The following HTR1F variants were observed in gnomAD, a reference collection of about 807,000 sequenced individuals.
HTR1F encodes the protein 5-hydroxytryptamine (serotonin) receptor 1F, G protein-coupled.
In HTR1F, 17 loss-of-function variants were observed where a neutral mutation model predicts 24.0. The observed-to-expected ratio is 0.71, with a 90% CI of 0.48 to 1.06. The LOEUF (loss-of-function observed/expected upper bound fraction) is 1.06. HTR1F is among the 50% of genes least tolerant of loss of function. The pLI is 0.00. For synonymous variants in HTR1F, 186 were observed against 156.8 expected (o/e 1.19, Z -1.39); for missense variants, 391 against 427.8 (o/e 0.91, Z 0.76).
chr3:87,859,800 A>G (rs1705277856), intron 2 of HTR1F, among the ~76,000 whole-genome samples: 1 of 152,200 alleles, frequency 6.6e-6, no homozygotes, highest in South Asian at 2.1e-4. Context: ...ATTCCAAATC[A>G]TAACTGAGGC....
chr3:87,852,157 C>A lies in HTR1F; in HGVS notation c.-43+30033C>A, dbSNP rs118175840. Among the ~76,000 whole-genome samples, 1,113 of 151,584 alleles carry A rather than the reference C, an allele frequency of 7.3e-3. 26 individuals are homozygous for A. Among genetic ancestry groups the A allele is most frequent in the East Asian group, 0.05 (257 of 5,178 alleles). ...ATTTTTATGTTTATTGGCCTTTGAA[C>A]TTTCTCTAGAATAAAATGATTACCC... On this transcript the variant is annotated intron_variant, in intron 2 of 2. Transcript: ENST00000319595.
At chr3:87,927,055 A>G (rs1704142288) in intron 2 of HTR1F, among the ~76,000 whole-genome samples, 2 of 152,100 alleles carry the variant, frequency 1.3e-5, no homozygotes, top group Admixed American at 1.3e-4. Flanking sequence ...GGAGTGGTGG[A>G]AAGCCACAGT....
intron 2 of HTR1F, among the ~76,000 whole-genome samples, chr3:87,961,448 C>A (rs996284357): frequency 2.6e-5 from 4 of 151,932 alleles, no homozygotes; most frequent in African/African-American, 9.7e-5. Flanking sequence ...AGTATCCTGG[C>A]TACTTGTGCT....
intron 2 of HTR1F, among the ~76,000 whole-genome samples, chr3:87,973,855 G>C (rs1442516596): frequency 6.6e-6 from 1 of 152,174 alleles, no homozygotes; most frequent in African/African-American, 2.4e-5. Flanking sequence ...CTTAAATTAG[G>C]ATAATGCAGA....
intron 2 of HTR1F, among the ~76,000 whole-genome samples, chr3:87,917,218 T>C (rs1401655748): frequency 2.0e-5 from 3 of 151,808 alleles, no homozygotes; most frequent in Non-Finnish European, 4.4e-5. Flanking sequence ...AAGGCAGTGC[T>C]AAAAGGAAAG....
At chr3:87,830,248 T>A (rs1704548302) in intron 2 of HTR1F, among the ~76,000 whole-genome samples, 1 of 152,142 alleles carries the variant, frequency 6.6e-6, no homozygotes, top group Non-Finnish European at 1.5e-5. Context: ...TGGTATTATA[T>A]CATTCTGGTG....
chr3:87,832,487 C>T (rs1408404640), intron 2 of HTR1F, among the ~76,000 whole-genome samples: 1 of 151,988 alleles, frequency 6.6e-6, no homozygotes, highest in African/African-American at 2.4e-5. Flanking sequence ...GCCGCCACAC[C>T]CGGCTAATTT....
intron 2 of HTR1F, among the ~76,000 whole-genome samples, chr3:87,949,942 G>C (rs1048127058): frequency 4.6e-5 from 7 of 152,182 alleles, no homozygotes; most frequent in Admixed American, 4.6e-4. Context: ...GGTTCTGCAG[G>C]CTGGACGAGA....
At chr3:87,806,648 T>G (rs2107084449) in intron 1 of HTR1F, among the ~76,000 whole-genome samples, 1 of 152,086 alleles carries the variant, frequency 6.6e-6, no homozygotes. Flanking sequence ...TGAAGAAGAG[T>G]TTTAGTTTAA....
chr3:87,946,146 C>T (rs779684928), intron 2 of HTR1F, among the ~76,000 whole-genome samples: 4 of 152,180 alleles, frequency 2.6e-5, no homozygotes, highest in Admixed American at 6.5e-5. Flanking sequence ...TTAGCCCAAT[C>T]GGGAGCGGCA....
intron 2 of HTR1F, among the ~76,000 whole-genome samples, chr3:87,860,318 A>G (rs1705290070): frequency 6.6e-6 from 1 of 152,208 alleles, no homozygotes; most frequent in African/African-American, 2.4e-5. Context: ...ATATGTAAAC[A>G]CATTGTACCA....
At chr3:87,988,389 A>G (rs1306192622) in intron 2 of HTR1F, among the ~76,000 whole-genome samples, 1 of 152,120 alleles carries the variant, frequency 6.6e-6, no homozygotes, top group Non-Finnish European at 1.5e-5. Flanking sequence ...CAAATACCAG[A>G]AAGGTATTCA....
intron 2 of HTR1F, among the ~76,000 whole-genome samples, chr3:87,980,523 T>A (rs1301045498): frequency 6.6e-6 from 1 of 152,174 alleles, no homozygotes; most frequent in Non-Finnish European, 1.5e-5. Flanking sequence ...CCATAAGTTT[T>A]CATGCCTGGC....
chr3:87,963,298 A>G (rs928694593), intron 2 of HTR1F, among the ~76,000 whole-genome samples: 1 of 152,138 alleles, frequency 6.6e-6, no homozygotes, highest in African/African-American at 2.4e-5. Context: ...AATCAGAAAC[A>G]GTTATACTAT....
intron 2 of HTR1F, among the ~76,000 whole-genome samples, chr3:87,918,125 T>C (rs1703936102): frequency 6.6e-6 from 1 of 152,064 alleles, no homozygotes; most frequent in African/African-American, 2.4e-5. Flanking sequence ...AATCACATGA[T>C]TATCTCCATA....
At chr3:87,883,258 A>G (rs1705851301) in intron 2 of HTR1F, among the ~76,000 whole-genome samples, 1 of 152,216 alleles carries the variant, frequency 6.6e-6, no homozygotes, top group Non-Finnish European at 1.5e-5. Context: ...ACTAACAAAC[A>G]GAAAGGAATA....
intron 2 of HTR1F, among the ~76,000 whole-genome samples, chr3:87,981,482 AC>A (rs1321815761): frequency 1.1e-4 from 17 of 152,240 alleles, no homozygotes; most frequent in African/African-American, 3.9e-4. Context: ...GGTGTGAGCC[AC>A]CATGCCTGGC....
rs556522725 is a variant in HTR1F at position 87,973,715 on chromosome 3, T to C, written c.-42-16993T>C. ...TTACTTCCCGGAAACTCCTGTAAAA[T>C]TACTAGGATTCACTTGCCTTTGGAC... On this transcript the variant is annotated intron_variant, in intron 2 of 2. Coordinates refer to ENST00000319595, the MANE Select transcript of HTR1F (RefSeq NM_001322209.2). Among the ~76,000 whole-genome samples the C allele has an allele frequency of 3.9e-5, 6 of 152,246 alleles. No individual in the cohort carries two copies. The South Asian group carries it at 1.2e-3, about 32-fold the overall frequency.
chr3:87,961,271 GA>G (rs1283943664), intron 2 of HTR1F, among the ~76,000 whole-genome samples: 1 of 152,022 alleles, frequency 6.6e-6, no homozygotes, highest in Non-Finnish European at 1.5e-5. Flanking sequence ...TATTATTGAT[GA>G]CTAGTCAAAA....
Sources: gnomAD v4.1 joint callset for allele counts (sites outside exome capture counted in the v4.1 genomes callset) on GRCh38, gnomAD v4.1.1 for gene constraint, MANE v1.5 for transcripts, NCBI Gene and HGNC (gene_info 2026-07-23, HGNC 2026-07-21) for gene names.